The following UBE2QL1 variants were observed in gnomAD, a reference collection of about 807,000 sequenced individuals.
UBE2QL1 encodes ubiquitin conjugating enzyme E2 QL1.
In UBE2QL1, 5 loss-of-function variants were observed where a neutral mutation model predicts 12.6. The ratio of observed to expected loss-of-function variants is 0.40; its 90% CI spans 0.21 to 0.83. UBE2QL1 has a LOEUF of 0.83. Among genes scored for constraint, UBE2QL1 ranks in the 40% least tolerant of loss-of-function variants. The pLI, the probability that UBE2QL1 is intolerant of heterozygous loss-of-function variation, is 0.37. For synonymous variants in UBE2QL1, 96 were observed against 94.5 expected (o/e 1.02, Z -0.10); for missense variants, 99 against 222.6 (o/e 0.44, Z 3.53).
intron 1 of UBE2QL1, among the ~76,000 whole-genome samples, chr5:6,454,277 T>C (rs1440192181): frequency 1.3e-5 from 2 of 152,166 alleles, no homozygotes; most frequent in Non-Finnish European, 2.9e-5. Context: ...TCAGCAGGGC[T>C]CATTTCTCCT....
chr5:6,471,496 T>C (rs1739911600), intron 1 of UBE2QL1, among the ~76,000 whole-genome samples: 1 of 152,214 alleles, frequency 6.6e-6, no homozygotes, highest in Non-Finnish European at 1.5e-5. Context: ...CTCAGTTCCT[T>C]GCCTATGGGC....
intron 1 of UBE2QL1, among the ~76,000 whole-genome samples, chr5:6,451,408 C>T (rs1195957050): frequency 6.6e-6 from 1 of 152,154 alleles, no homozygotes; most frequent in Non-Finnish European, 1.5e-5. Context: ...AGTATATTTT[C>T]TTTTCTCTGT....
chr5:6,464,011 T>C (rs567661098), intron 1 of UBE2QL1, among the ~76,000 whole-genome samples: 2 of 143,150 alleles, frequency 1.4e-5, no homozygotes, highest in Non-Finnish European at 3.1e-5. Context: ...TCACTCTTTT[T>C]GCCCAGGCTG....
intron 1 of UBE2QL1, among the ~76,000 whole-genome samples, chr5:6,458,608 G>A (rs1286730046): frequency 6.6e-6 from 1 of 152,296 alleles, no homozygotes; most frequent in East Asian, 1.9e-4. Flanking sequence ...ATTGCTTCCC[G>A]TAAGATGTCT....
In UBE2QL1 at chr5:6,493,440, G is replaced by C. The variant is rs1734615155; in HGVS notation, c.*2091G>C. The C allele has an allele frequency of 6.6e-6, 1 of 152,208 alleles. No homozygotes were observed. Among genetic ancestry groups the C allele is most frequent in the Non-Finnish European group, 1.5e-5 (1 of 68,048 alleles). The allele number at this position is 152,208 out of a possible 1,614,324, so 9.4% of individuals were successfully genotyped here. A position where few individuals can be genotyped will look rare whatever the true frequency, so the allele number is the denominator to read the frequency against. ...GTCATTTCAGTAGTGTTTATTAGCT[G>C]ATTGAAAAACAGGTTCACGGTGCTC... On this transcript the variant is annotated 3_prime_UTR_variant, in exon 2 of 2. Transcript: ENST00000399816.
At chr5:6,467,628 G>C (rs980728359) in intron 1 of UBE2QL1, among the ~76,000 whole-genome samples, 1 of 151,496 alleles carries the variant, frequency 6.6e-6, no homozygotes, top group African/African-American at 2.4e-5. Context: ...ACACAGCTCA[G>C]CCCACAGGAG....
In UBE2QL1 at chr5:6,481,974, G is replaced by C. The variant is rs1275042047; in HGVS notation, c.355-9244G>C. Reference sequence around the variant, plus strand: ...AGTCCTACCCCCTGTGGCTGTGAATGTGACCTTATTTGAAAATAGGGCCTT... The same window carrying C: ...AGTCCTACCCCCTGTGGCTGTGAATCTGACCTTATTTGAAAATAGGGCCTT... On this transcript the variant is annotated intron_variant, in intron 1 of 1. Transcript: ENST00000399816. This position sits in a 1 kb window ranked among gnomAD's most constrained non-coding sequence, Gnocchi z 4.5. 6.6e-6 allele frequency among the ~76,000 whole-genome samples: 1 copy of C among 152,230 alleles called. No individual in the cohort carries two copies. The highest frequency in any genetic ancestry group is 2.4e-5 in the African/African-American group (1 of 41,456).
chr5:6,454,353 T>G, intron 1 of UBE2QL1, among the ~76,000 whole-genome samples: 1 of 152,168 alleles, frequency 6.6e-6, no homozygotes, highest in East Asian at 1.9e-4. Context: ...CTTCCTTCTG[T>G]GTGTGTCTGT....
At position 6,481,037 on chromosome 5, in the gene UBE2QL1, T is replaced by G. The variant is rs1410092618; in HGVS notation, c.355-10181T>G. On this transcript the variant is annotated intron_variant, in intron 1 of 1. Coordinates refer to ENST00000399816, the MANE Select transcript of UBE2QL1 (RefSeq NM_001145161.3). The surrounding 1 kb of genome is among the most constrained non-coding windows in gnomAD (Gnocchi z 4.5). ...AAAGAGTGCTAAAAAATAAGGTCAA[T>G]AGGAGTTTTTAAGGTTTTGATAGTA... Among the ~76,000 whole-genome samples the G allele has an allele frequency of 3.9e-5, 6 of 152,150 alleles. No homozygotes were observed. Among genetic ancestry groups the G allele is most frequent in the Non-Finnish European group, 8.8e-5 (6 of 68,028 alleles).
Position 6,484,553 on chromosome 5 carries a change from T to C in UBE2QL1, c.355-6665T>C, listed in dbSNP as rs865869722. 5.9e-5 allele frequency among the ~76,000 whole-genome samples: 9 copies of C among 152,252 alleles called. 1 individual carries two copies. The highest frequency in any genetic ancestry group is 1.3e-4 in the Admixed American group (2 of 15,298). ...TTGCAAAGGTTGCCCAGGTCAACAT[T>C]TAATGAGATGAGATGTGAAAACAGC... On this transcript the variant is annotated intron_variant, in intron 1 of 1. Coordinates refer to ENST00000399816, the MANE Select transcript of UBE2QL1 (RefSeq NM_001145161.3).
At chr5:6,464,152 G>GA (rs999096854) in intron 1 of UBE2QL1, among the ~76,000 whole-genome samples, 1 of 152,262 alleles carries the variant, frequency 6.6e-6, no homozygotes, top group African/African-American at 2.4e-5. Flanking sequence ...GTAGAATTGG[G>GA]AAACAGGCCT....
At chr5:6,466,943 A>C (rs771993099) in intron 1 of UBE2QL1, among the ~76,000 whole-genome samples, 4 of 152,228 alleles carry the variant, frequency 2.6e-5, no homozygotes, top group Non-Finnish European at 5.9e-5. Context: ...GTCAAGAGGC[A>C]CTAAATGGAG....
At chr5:6,464,113 A>G (rs945467813) in intron 1 of UBE2QL1, among the ~76,000 whole-genome samples, 7 of 152,168 alleles carry the variant, frequency 4.6e-5, no homozygotes, top group Non-Finnish European at 7.3e-5. Context: ...TAAAAACACA[A>G]ACACAAATAT....
intron 1 of UBE2QL1, among the ~76,000 whole-genome samples, chr5:6,475,479 G>T (rs938028388): frequency 2.0e-5 from 3 of 152,190 alleles, no homozygotes; most frequent in Non-Finnish European, 4.4e-5. Flanking sequence ...AACATAAAGT[G>T]TGTGCTGGGT....
At chr5:6,458,010 G>A (rs1739565663) in intron 1 of UBE2QL1, among the ~76,000 whole-genome samples, 1 of 152,196 alleles carries the variant, frequency 6.6e-6, no homozygotes, top group South Asian at 2.1e-4. Flanking sequence ...GAGCAAAATC[G>A]ATGAATGTGT....
intron 1 of UBE2QL1, among the ~76,000 whole-genome samples, chr5:6,468,410 T>A (rs2126346815): frequency 6.6e-6 from 1 of 152,140 alleles, no homozygotes; most frequent in African/African-American, 2.4e-5. Context: ...ACCGGCAAAG[T>A]GAGAGTGTGG....
intron 1 of UBE2QL1, among the ~76,000 whole-genome samples, chr5:6,467,797 C>T (rs1442181897): frequency 6.6e-6 from 1 of 151,674 alleles, no homozygotes; most frequent in African/African-American, 2.4e-5. Flanking sequence ...TGTGTTCCTT[C>T]CCATCCCCCT....
intron 1 of UBE2QL1, among the ~76,000 whole-genome samples, chr5:6,489,360 G>T (rs1350578001): frequency 6.6e-6 from 1 of 151,902 alleles, no homozygotes; most frequent in African/African-American, 2.4e-5. Context: ...GGAGTTTGAG[G>T]TTGCTGTGAG....
intron 1 of UBE2QL1, among the ~76,000 whole-genome samples, chr5:6,477,457 G>A (rs934479358): frequency 1.5e-4 from 23 of 152,178 alleles, no homozygotes; most frequent in African/African-American, 2.2e-4. Flanking sequence ...AGGTGTGCCC[G>A]GAGGCCCTAC....
Sources: gnomAD v4.1 joint callset for allele counts (sites outside exome capture counted in the v4.1 genomes callset) on GRCh38, gnomAD v4.1.1 for gene constraint, Gnocchi (gnomAD v3.1) non-coding constraint, MANE v1.5 for transcripts, NCBI Gene and HGNC (gene_info 2026-07-23, HGNC 2026-07-21) for gene names.